ACOT13: variants seen among roughly 807,000 people sequenced by gnomAD.
ACOT13 encodes the protein acyl-coenzyme A thioesterase 13.
Under a neutral mutation model 11.8 loss-of-function variants are expected in ACOT13, and 10 were observed. The observed-to-expected ratio is 0.85, with a 90% CI of 0.53 to 1.44. The LOEUF (loss-of-function observed/expected upper bound fraction) is 1.44. Among genes scored for constraint, ACOT13 ranks in the 40% most tolerant of loss-of-function variants. The pLI, the probability that ACOT13 is intolerant of heterozygous loss-of-function variation, is 0.00. For missense variants in ACOT13, 172 were observed against 174.1 expected, an observed-to-expected ratio of 0.99 and a Z score of 0.07; for synonymous variants, 53 against 61.0, an observed-to-expected ratio of 0.87 and a Z score of 0.61.
Position 24,703,388 on chromosome 6 carries a change from TA to T in ACOT13, c.*1774del, listed in dbSNP as rs201225292. 0.025 allele frequency: 3,832 copies of T among 152,378 alleles called. 62 individuals are homozygous for T. Among genetic ancestry groups the T allele is most frequent in the Non-Finnish European group, 0.037 (2,506 of 68,038 alleles). The allele number at this position is 152,378 out of a possible 1,614,324, so 9.4% of individuals were successfully genotyped here. A position where few individuals can be genotyped will look rare whatever the true frequency, so the allele number is the denominator to read the frequency against. On this transcript the variant is annotated 3_prime_UTR_variant, in exon 3 of 3. Transcript: ENST00000230048. ...TGAGCATACAGGAGTCCCAGATGTT[TA>T]CTTCTAGTATTTCCCACTAAAAGGA... is the stretch of plus-strand genomic sequence containing the variant.
At chr6:24,693,265 A>G (rs1248853517) in intron 1 of ACOT13, among the ~76,000 whole-genome samples, 1 of 152,198 alleles carries the variant, frequency 6.6e-6, no homozygotes, top group Non-Finnish European at 1.5e-5. Flanking sequence ...GGGGTGGCTC[A>G]CGTGTTTATG....
intron 1 of ACOT13, among the ~76,000 whole-genome samples, chr6:24,695,419 A>G (rs1778778096): frequency 6.6e-6 from 1 of 152,182 alleles, no homozygotes; most frequent in African/African-American, 2.4e-5. Flanking sequence ...CTTCACCTGG[A>G]TAACTCCTGC....
intron 1 of ACOT13, among the ~76,000 whole-genome samples, chr6:24,693,746 C>T (rs553393976): frequency 1.4e-5 from 2 of 145,778 alleles, no homozygotes; most frequent in African/African-American, 2.6e-5. Flanking sequence ...TTTTTTGAGA[C>T]GGAGTCTCAC....
chr6:24,697,023 C>T (rs917022309), intron 1 of ACOT13, among the ~76,000 whole-genome samples: 1 of 152,238 alleles, frequency 6.6e-6, no homozygotes, highest in East Asian at 1.9e-4. Flanking sequence ...ATCCACCTGC[C>T]TCAGCCTCCC....
intron 1 of ACOT13, 97 bp from the exon 2 acceptor site, chr6:24,697,786 T>C: frequency 2.1e-6 from 2 of 971,768 alleles, no homozygotes; most frequent in African/African-American, 1.7e-5. Context: ...GTCAACTTTT[T>C]TCAGAAGATT....
chr6:24,668,116 C>T (rs758691682), intron 1 of ACOT13, among the ~76,000 whole-genome samples: 1 of 151,780 alleles, frequency 6.6e-6, no homozygotes, highest in Non-Finnish European at 1.5e-5. Flanking sequence ...CCATGTTGGT[C>T]AGGCTGCTCT....
intron 1 of ACOT13, among the ~76,000 whole-genome samples, chr6:24,678,951 C>A (rs1778500266): frequency 6.6e-6 from 1 of 152,166 alleles, no homozygotes; most frequent in Non-Finnish European, 1.5e-5. Context: ...TGGTGCTTGC[C>A]CCGGGCACCC....
Position 24,667,215 on chromosome 6 carries a change from TCCGAAGTTCGTTC to T in ACOT13, c.-48_-36del, listed in dbSNP as rs1330894638. ...ACTAACTTCTGGACTTTCCAGCTCT[TCCGAAGTTCGTTC>T]TTGCGCAAAGCCCAAAGGCTGGAAA... On this transcript the variant is annotated 5_prime_UTR_variant, in exon 1 of 3. Transcript: ENST00000230048. The T allele has an allele frequency of 1.9e-6, 3 of 1,578,920 alleles. No homozygotes were observed. Among genetic ancestry groups the T allele is most frequent in the Non-Finnish European group, 2.6e-6 (3 of 1,150,528 alleles).
chr6:24,667,552 A>G (rs1298616296), intron 1 of ACOT13, among the ~76,000 whole-genome samples: 3 of 152,320 alleles, frequency 2.0e-5, no homozygotes, highest in South Asian at 2.1e-4. Flanking sequence ...CTAAACATAG[A>G]TAAGTATGGT....
At chr6:24,700,425 CTTTTTTTTTTTTTTTT>C (rs34173572) in intron 2 of ACOT13, among the ~76,000 whole-genome samples, 2 of 105,144 alleles carry the variant, frequency 1.9e-5, no homozygotes, top group East Asian at 6.7e-4. Context: ...TAAGATCCAC[CTTTTTTTTTTTTTTTT>C]TTTTTTTTTT....
chr6:24,668,528 G>A (rs537919739), intron 1 of ACOT13, among the ~76,000 whole-genome samples: 23 of 152,226 alleles, frequency 1.5e-4, no homozygotes, highest in Non-Finnish European at 3.4e-4. Context: ...GCCAAAAGCA[G>A]GGATTTACTG....
At chr6:24,687,543 A>C (rs529359570) in intron 1 of ACOT13, 4 of 1,406,640 alleles carry the variant, frequency 2.8e-6, no homozygotes, top group Non-Finnish European at 3.7e-6. Flanking sequence ...AGTCATCTTT[A>C]TGGAAATGAG....
At chr6:24,698,511 ATAT>A (rs911501156) in intron 2 of ACOT13, among the ~76,000 whole-genome samples, 1 of 152,132 alleles carries the variant, frequency 6.6e-6, no homozygotes, top group African/African-American at 2.4e-5. Flanking sequence ...CAAAAAATAA[ATAT>A]TATTTAATTT....
rs1157301867 is a variant in ACOT13, at chr6:24,703,370, ACAG to A, written c.*1756_*1758del. ...CAGTAGCAATAGCAGCAGTGAGCATACAGGAGTCCCAGATGTTTACTTCTAGTA... is the reference window on the plus strand; with the variant it reads ...CAGTAGCAATAGCAGCAGTGAGCATAGAGTCCCAGATGTTTACTTCTAGTA... On this transcript the variant is annotated 3_prime_UTR_variant, in exon 3 of 3. Coordinates refer to ENST00000230048, the MANE Select transcript of ACOT13 (RefSeq NM_018473.4). 2.0e-5 allele frequency: 3 copies of A among 152,288 alleles called. No individual in the cohort carries two copies. Among genetic ancestry groups the A allele is most frequent in the African/African-American group, 7.2e-5 (3 of 41,544 alleles). The allele number at this position is 152,288 out of a possible 1,614,324, so 9.4% of individuals were successfully genotyped here. A position where few individuals can be genotyped will look rare whatever the true frequency, so the allele number is the denominator to read the frequency against.
chr6:24,682,625 G>A (rs542465464), intron 1 of ACOT13, among the ~76,000 whole-genome samples: 53 of 152,186 alleles, frequency 3.5e-4, no homozygotes, highest in African/African-American at 1.1e-3. Context: ...GGAGCACAGC[G>A]GACACCCTGC....
At chr6:24,668,967 C>T (rs1041422107) in intron 1 of ACOT13, among the ~76,000 whole-genome samples, 12 of 152,294 alleles carry the variant, frequency 7.9e-5, no homozygotes, top group African/African-American at 1.9e-4. Flanking sequence ...TAGGGTTTTA[C>T]TTTCAATTTA....
intron 1 of ACOT13, among the ~76,000 whole-genome samples, chr6:24,686,446 G>T (rs1025332527): frequency 1.3e-5 from 2 of 152,136 alleles, no homozygotes; most frequent in African/African-American, 4.8e-5. Context: ...GCTTGCTTCT[G>T]GTGAGGGCTC....
intron 1 of ACOT13, chr6:24,687,828 C>A: frequency 1.1e-6 from 1 of 916,256 alleles, no homozygotes; most frequent in Non-Finnish European, 1.6e-6. Context: ...TCTCCTGCTT[C>A]AGCCTCCAGA....
intron 1 of ACOT13, among the ~76,000 whole-genome samples, chr6:24,692,429 GT>G (rs1778730487): frequency 6.6e-6 from 1 of 152,200 alleles, no homozygotes. Flanking sequence ...AAGTGGTGTT[GT>G]TTTGGGGACA....
Sources: allele counts gnomAD v4.1 joint callset (sites outside exome capture counted in the v4.1 genomes callset), GRCh38; gene constraint gnomAD v4.1.1; transcripts MANE v1.5; gene names NCBI Gene and HGNC (gene_info 2026-07-23, HGNC 2026-07-21).